VOPP1: variants seen among roughly 807,000 people sequenced by gnomAD.
VOPP1 encodes the protein WW domain binding protein VOPP1.
Under a neutral mutation model 23.5 loss-of-function variants are expected in VOPP1, and 8 were observed. That is an observed-to-expected ratio of 0.34 (90% CI 0.20 to 0.61). VOPP1 has a LOEUF of 0.61. Among genes scored for constraint, VOPP1 ranks in the 20% least tolerant of loss-of-function variants. The probability of loss-of-function intolerance (pLI) is 0.78; values close to 1 mark genes in which losing one functional copy is unlikely to be tolerated. For missense variants in VOPP1, 174 were observed against 238.1 expected, an observed-to-expected ratio of 0.73 and a Z score of 1.77; for synonymous variants, 83 against 97.3, an observed-to-expected ratio of 0.85 and a Z score of 0.86.
intron 4 of VOPP1, among the ~76,000 whole-genome samples, chr7:55,441,303 G>A (rs1230659538): frequency 6.6e-6 from 1 of 152,154 alleles, no homozygotes; most frequent in East Asian, 1.9e-4. Context: ...AAAAAGCCTT[G>A]CCCCTCTCTC....
intron 1 of VOPP1, among the ~76,000 whole-genome samples, chr7:55,554,095 T>C (rs1006742920): frequency 2.0e-5 from 3 of 152,222 alleles, no homozygotes; most frequent in African/African-American, 7.2e-5. Flanking sequence ...TGATTACTGG[T>C]AAAGAAGAGA....
chr7:55,543,700 GTTTTT>G (rs34519358), intron 1 of VOPP1, among the ~76,000 whole-genome samples: 2 of 146,026 alleles, frequency 1.4e-5, no homozygotes, highest in Non-Finnish European at 3.0e-5. Flanking sequence ...CATTTACATG[GTTTTT>G]TTTTTTTGAG....
intron 4 of VOPP1, among the ~76,000 whole-genome samples, chr7:55,474,174 C>T (rs767005614): frequency 6.6e-6 from 1 of 152,340 alleles, no homozygotes; most frequent in Non-Finnish European, 1.5e-5. Flanking sequence ...GCATCTGTGC[C>T]GTCCCACAGA....
At position 55,502,070 on chromosome 7, in the gene VOPP1, T is replaced by TGCTCA. The variant is rs550107979; in HGVS notation, c.114-4381_114-4380insTGAGC. Among the ~76,000 whole-genome samples, 40 of 152,370 alleles carry TGCTCA rather than the reference T, an allele frequency of 2.6e-4. No individual in the cohort carries two copies. In the East Asian group the frequency reaches 7.5e-3, roughly 29 times the overall value. On this transcript the variant is annotated intron_variant, in intron 2 of 4. Transcript: ENST00000285279. ...ACTGAATCATTTTTCATGAGCTGAA[T>TGCTCA]TTGCTAAAATGCTTCCCTTTCAGCT...
In VOPP1 at chr7:55,442,286, T is replaced by TA. The variant is rs141607355; in HGVS notation, n.418-6113dup. On this transcript the variant is annotated intron_variant and non_coding_transcript_variant, in intron 4 of 4. Coordinates refer to the VOPP1 transcript ENST00000462326. ...CATCCAGACATTTCAAAGTCAAGGA[T>TA]AAAAAATGGAACTAATCTACATTCT... Among the ~76,000 whole-genome samples, 1,473 of 152,068 alleles carry TA rather than the reference T, an allele frequency of 9.7e-3. 20 individuals carry two copies. Among genetic ancestry groups the TA allele is most frequent in the African/African-American group, 0.032 (1,330 of 41,464 alleles).
rs1554302403 is a variant in VOPP1, at chr7:55,564,243, G to GTCTCTGTCTCTCTCTCTC, written c.54+8027_54+8028insGAGAGAGAGAGACAGAGA. On this transcript the variant is annotated intron_variant, in intron 1 of 4. Coordinates refer to ENST00000285279, the MANE Select transcript of VOPP1 (RefSeq NM_030796.5). ...CAACACACTCTTTCTCTCTGTCTCT[G>GTCTCTGTCTCTCTCTCTC]TCTCTCTCTCTCTCTCTCTCTCTCG... 3.3e-3 allele frequency among the ~76,000 whole-genome samples: 420 copies of GTCTCTGTCTCTCTCTCTC among 125,944 alleles called. 1 individual carries two copies. The highest frequency in any genetic ancestry group is 0.011 in the South Asian group (40 of 3,584). 82.6% of individuals were successfully genotyped at this position (125,944 alleles called of 152,430 possible).
At chr7:55,497,197 C>A (rs1013438993) in intron 3 of VOPP1, among the ~76,000 whole-genome samples, 1 of 152,194 alleles carries the variant, frequency 6.6e-6, no homozygotes, top group Non-Finnish European at 1.5e-5. Flanking sequence ...ATCTTGAAAG[C>A]GAAGAGTCAG....
At chr7:55,572,250 C>T in intron 1 of VOPP1, 21 bp downstream of exon 1, 1 of 1,515,634 alleles carries the variant, frequency 6.6e-7, no homozygotes. Context: ...CCTCCGGCAG[C>T]ACCCGGTCCC....
At chr7:55,566,149 G>A (rs575884315) in intron 1 of VOPP1, among the ~76,000 whole-genome samples, 33 of 152,326 alleles carry the variant, frequency 2.2e-4, no homozygotes, top group Middle Eastern at 3.4e-3. Flanking sequence ...AGAATGATAT[G>A]AATAAAAAGG....
intron 1 of VOPP1, chr7:55,552,683 C>G: frequency 6.5e-7 from 1 of 1,536,058 alleles, no homozygotes; most frequent in Admixed American, 2.0e-5. Context: ...CAATGGGGGG[C>G]ACTCAGGTCC....
intron 1 of VOPP1, among the ~76,000 whole-genome samples, chr7:55,557,250 A>C (rs1486488615): frequency 1.3e-5 from 2 of 152,184 alleles, no homozygotes; most frequent in Non-Finnish European, 2.9e-5. Flanking sequence ...CCTGAGCCAC[A>C]GTCCACTCAT....
At position 55,535,871 on chromosome 7, in the gene VOPP1, G is replaced by A. The variant is rs139733473; in HGVS notation, c.55-14741C>T. ...GGCACTGTCCCTCTGTGCAGAGGCTGGGCAGGCAGACATCAACTTACCGCA... is the reference window on the plus strand; with the variant it reads ...GGCACTGTCCCTCTGTGCAGAGGCTAGGCAGGCAGACATCAACTTACCGCA... On this transcript the variant is annotated intron_variant, in intron 1 of 4. Coordinates refer to ENST00000285279, the MANE Select transcript of VOPP1 (RefSeq NM_030796.5). 9.9e-4 allele frequency among the ~76,000 whole-genome samples: 151 copies of A among 152,296 alleles called. 3 individuals carry two copies. In the East Asian group the frequency reaches 0.027, roughly 27 times the overall value.
intron 2 of VOPP1, among the ~76,000 whole-genome samples, chr7:55,515,093 C>A (rs575215814): frequency 6.6e-6 from 1 of 152,168 alleles, no homozygotes; most frequent in Non-Finnish European, 1.5e-5. Flanking sequence ...CCCAAGCCAC[C>A]GCCCTCTCTC....
intron 1 of VOPP1, among the ~76,000 whole-genome samples, chr7:55,539,899 G>GCACACACACACACACACACACA (rs60831624): frequency 1.4e-5 from 2 of 139,250 alleles, no homozygotes; most frequent in South Asian, 2.5e-4. Flanking sequence ...CATAAGCGCT[G>GCACACACACACACACACACACA]CACACACACA....
chr7:55,440,940 G>T (rs1790949393), intron 4 of VOPP1, among the ~76,000 whole-genome samples: 1 of 152,114 alleles, frequency 6.6e-6, no homozygotes, highest in Non-Finnish European at 1.5e-5. Flanking sequence ...CCATGTTCAG[G>T]GATCAAAGAG....
chr7:55,545,050 T>A (rs1205420624), intron 1 of VOPP1, among the ~76,000 whole-genome samples: 2 of 152,320 alleles, frequency 1.3e-5, no homozygotes, highest in African/African-American at 4.8e-5. Flanking sequence ...TATTTTAAAA[T>A]GTGGAGGCAA....
chr7:55,485,946 C>T (rs1793107776), intron 4 of VOPP1, among the ~76,000 whole-genome samples: 2 of 152,188 alleles, frequency 1.3e-5, no homozygotes, highest in South Asian at 4.1e-4. Flanking sequence ...CTGCTTCCCA[C>T]GGGGAGAGGA....
intron 2 of VOPP1, among the ~76,000 whole-genome samples, chr7:55,500,068 G>C (rs111529760): frequency 4.6e-4 from 70 of 152,270 alleles, no homozygotes; most frequent in African/African-American, 1.7e-3. Context: ...TCTCACGAAT[G>C]TGCAAAGACA....
At chr7:55,455,356 A>G (rs1469490625) in intron 4 of VOPP1, among the ~76,000 whole-genome samples, 1 of 152,220 alleles carries the variant, frequency 6.6e-6, no homozygotes, top group Non-Finnish European at 1.5e-5. Flanking sequence ...AAGAATAAAT[A>G]TTGTGAAAAT....
Sources: allele counts gnomAD v4.1 joint callset (sites outside exome capture counted in the v4.1 genomes callset), GRCh38; gene constraint gnomAD v4.1.1; transcripts MANE v1.5; gene names NCBI Gene and HGNC (gene_info 2026-07-23, HGNC 2026-07-21).